PDGFD: variants seen among roughly 807,000 people sequenced by gnomAD.
The protein encoded by PDGFD is platelet derived growth factor D.
PDGFD carries 30 observed loss-of-function variants against 44.7 expected under a neutral mutation model. The ratio of observed to expected loss-of-function variants is 0.67; its 90% CI spans 0.50 to 0.91. PDGFD has a LOEUF of 0.91. Ranked by LOEUF, PDGFD falls within the 40% of genes least tolerant of loss-of-function variation. The pLI is 0.00. For synonymous variants in PDGFD, 173 were observed against 168.4 expected, an observed-to-expected ratio of 1.03 and a Z score of -0.21; for missense variants, 445 against 457.8, an observed-to-expected ratio of 0.97 and a Z score of 0.25.
intron 1 of PDGFD, among the ~76,000 whole-genome samples, chr11:104,017,916 T>G (rs933211769): frequency 1.3e-5 from 2 of 152,160 alleles, no homozygotes; most frequent in African/African-American, 4.8e-5. Context: ...GCCATTTATA[T>G]CTCCAGAAAG....
At chr11:103,937,243 C>A (rs1236733358) in intron 5 of PDGFD, among the ~76,000 whole-genome samples, 2 of 151,852 alleles carry the variant, frequency 1.3e-5, no homozygotes, top group Middle Eastern at 6.8e-3. Context: ...TTTGGAACAC[C>A]CCAATAATTT....
chr11:103,940,763 G>C (rs765253939), intron 5 of PDGFD, among the ~76,000 whole-genome samples: 12 of 151,998 alleles, frequency 7.9e-5, no homozygotes, highest in South Asian at 2.1e-4. Context: ...GACTTGCCAG[G>C]GTTAAATTAA....
chr11:104,098,507 CTTT>C (rs34351974), intron 1 of PDGFD, among the ~76,000 whole-genome samples: 6 of 140,288 alleles, frequency 4.3e-5, no homozygotes, highest in Non-Finnish European at 4.6e-5. Flanking sequence ...TTCTGTTTCT[CTTT>C]TTTTTTTTTT....
chr11:103,996,277 TG>T (rs768092750), intron 2 of PDGFD, 32 bp from the exon 3 acceptor site: 1 of 1,549,980 alleles, frequency 6.5e-7, no homozygotes, highest in Non-Finnish European at 8.8e-7. Flanking sequence ...GAACAAGTTT[TG>T]ATTAAAGTAG....
At chr11:104,078,851 A>G (rs997064503) in intron 1 of PDGFD, among the ~76,000 whole-genome samples, 10 of 48,092 alleles carry the variant, frequency 2.1e-4, no homozygotes, top group Non-Finnish European at 3.0e-4. Context: ...ATTATACCAT[A>G]TTATTTATTT....
intron 5 of PDGFD, among the ~76,000 whole-genome samples, chr11:103,938,748 G>C (rs1858533590): frequency 6.6e-6 from 1 of 152,170 alleles, no homozygotes; most frequent in African/African-American, 2.4e-5. Context: ...GTAAGGAAGG[G>C]ATCCAGTTTC....
intron 3 of PDGFD, among the ~76,000 whole-genome samples, chr11:103,957,802 T>C (rs923373147): frequency 1.3e-5 from 2 of 151,198 alleles, no homozygotes; most frequent in Non-Finnish European, 1.5e-5. Context: ...TGTTTGCAGA[T>C]AGAGAGAGGG....
At chr11:104,162,033 AT>A (rs1163657859) in intron 1 of PDGFD, among the ~76,000 whole-genome samples, 1 of 151,872 alleles carries the variant, frequency 6.6e-6, no homozygotes, top group East Asian at 1.9e-4. Flanking sequence ...GAAATGAGAA[AT>A]CCAGGGTAGT....
intron 1 of PDGFD, among the ~76,000 whole-genome samples, chr11:104,006,685 CAG>C (rs951723546): frequency 2.6e-5 from 4 of 152,152 alleles, no homozygotes; most frequent in African/African-American, 9.7e-5. Context: ...AACAGCGTGG[CAG>C]AGAGAAGAGA....
chr11:103,986,133 T>A (rs550127102), intron 3 of PDGFD, among the ~76,000 whole-genome samples: 4 of 152,194 alleles, frequency 2.6e-5, no homozygotes, highest in Non-Finnish European at 5.9e-5. Flanking sequence ...TTTCCACTGA[T>A]AAAGGGAACA....
At chr11:103,990,908 G>C (rs528596464) in intron 3 of PDGFD, among the ~76,000 whole-genome samples, 1 of 152,108 alleles carries the variant, frequency 6.6e-6, no homozygotes. Flanking sequence ...GGGAGGCTGA[G>C]GCGGGCGGAT....
At chr11:104,057,844 T>A (rs1246203518) in intron 1 of PDGFD, among the ~76,000 whole-genome samples, 2 of 152,114 alleles carry the variant, frequency 1.3e-5, no homozygotes, top group African/African-American at 4.8e-5. Flanking sequence ...TAGAACACAA[T>A]AGAGTCCGGA....
chr11:103,929,696 G>T (rs1858370799), intron 5 of PDGFD, among the ~76,000 whole-genome samples: 1 of 152,164 alleles, frequency 6.6e-6, no homozygotes, highest in Non-Finnish European at 1.5e-5. Context: ...ACTCAATTTA[G>T]AATTAGAACT....
At chr11:103,987,013 A>G (rs1859376348) in intron 3 of PDGFD, among the ~76,000 whole-genome samples, 2 of 151,344 alleles carry the variant, frequency 1.3e-5, no homozygotes, top group African/African-American at 2.4e-5. Flanking sequence ...GAGAGCTTCA[A>G]CTCCCTATAA....
At chr11:104,133,764 G>A (rs1042445761) in intron 1 of PDGFD, among the ~76,000 whole-genome samples, 1 of 152,148 alleles carries the variant, frequency 6.6e-6, no homozygotes, top group Admixed American at 6.6e-5. Context: ...TATTTTATAA[G>A]TTCCAGTCTA....
At chr11:104,088,987 C>T (rs1373736071) in intron 1 of PDGFD, among the ~76,000 whole-genome samples, 1 of 151,812 alleles carries the variant, frequency 6.6e-6, no homozygotes, top group Non-Finnish European at 1.5e-5. Flanking sequence ...ATACTGCTTT[C>T]ACCTTTAAGG....
intron 1 of PDGFD, among the ~76,000 whole-genome samples, chr11:104,128,052 A>C (rs926061071): frequency 2.0e-5 from 3 of 152,120 alleles, no homozygotes; most frequent in African/African-American, 7.2e-5. Context: ...GAATTAGCAC[A>C]AACATGGCAA....
intron 1 of PDGFD, among the ~76,000 whole-genome samples, chr11:104,108,077 C>G (rs540210807): frequency 2.0e-5 from 3 of 152,188 alleles, no homozygotes; most frequent in Admixed American, 6.5e-5. Flanking sequence ...TTAAATCATT[C>G]ACTCATTTTA....
chr11:104,011,220 G>C lies in PDGFD; in HGVS notation c.125-10965C>G, dbSNP rs1033519630. Among the ~76,000 whole-genome samples the C allele has an allele frequency of 3.3e-5, 5 of 152,174 alleles. No individual in the cohort carries two copies. The East Asian group carries it at 9.6e-4, about 29-fold the overall frequency. ...TAAAGTGCTAGTCTGTACAGACAAAGATGAAAGCATTTTCTTAGTCACTTC... is the reference window on the plus strand; with the variant it reads ...TAAAGTGCTAGTCTGTACAGACAAACATGAAAGCATTTTCTTAGTCACTTC... On this transcript the variant is annotated intron_variant, in intron 1 of 6. Coordinates refer to ENST00000393158, the MANE Select transcript of PDGFD (RefSeq NM_025208.5).
Sources: gnomAD v4.1 joint callset for allele counts (sites outside exome capture counted in the v4.1 genomes callset) on GRCh38, gnomAD v4.1.1 for gene constraint, MANE v1.5 for transcripts, NCBI Gene and HGNC (gene_info 2026-07-23, HGNC 2026-07-21) for gene names.